NTM: variants seen among roughly 807,000 people sequenced by gnomAD.
The protein encoded by NTM is neurotrimin, also known as IgLON family member 2.
NTM carries 13 observed loss-of-function variants against 42.1 expected under a neutral mutation model. The observed-to-expected ratio is 0.31, with a 90% CI of 0.20 to 0.49. The LOEUF (loss-of-function observed/expected upper bound fraction) is 0.49, where lower values mean the gene tolerates loss of function less well. Among genes scored for constraint, NTM ranks in the 20% least tolerant of loss-of-function variants. The probability of loss-of-function intolerance (pLI) is 0.99; values close to 1 mark genes in which losing one functional copy is unlikely to be tolerated. For missense variants in NTM, 373 were observed against 452.8 expected, an observed-to-expected ratio of 0.82 and a Z score of 1.60; for synonymous variants, 187 against 179.2, an observed-to-expected ratio of 1.04 and a Z score of -0.35.
chr11:132,117,851 C>G (rs772197479), intron 2 of NTM, among the ~76,000 whole-genome samples: 17 of 152,124 alleles, frequency 1.1e-4, no homozygotes, highest in Non-Finnish European at 1.8e-4. Flanking sequence ...TAAAAAGTAC[C>G]CCAGACACCT....
rs576948406 is a variant in NTM at position 132,301,942 on chromosome 11, G to C, written c.527-5747G>C. Among the ~76,000 whole-genome samples, 3 of 152,226 alleles carry C rather than the reference G, an allele frequency of 2.0e-5. No individual in the cohort carries two copies. In the South Asian group the frequency reaches 6.2e-4, roughly 32 times the overall value. On this transcript the variant is annotated intron_variant, in intron 4 of 8. Coordinates refer to ENST00000683400, the MANE Select transcript of NTM (RefSeq NM_001352005.2). ...GTACTCCTGACAAGCTTATTCTTGG[G>C]TATGATAAAAATGATCACTGTGGGT...
chr11:132,146,330 C>G lies in NTM; in HGVS notation c.216C>G (p.Ser72Arg). 6.2e-7 allele frequency: 1 copy of G among 1,614,240 alleles called. No homozygotes were observed. Among genetic ancestry groups the G allele is most frequent in the Non-Finnish European group, 8.5e-7 (1 of 1,180,046 alleles). The change falls in exon 3 of 9, where the codon AGC becomes AGG. Residue 72 changes from serine to arginine, a missense_variant. Physicochemically the swap from Ser to Arg is moderately radical, Grantham distance 110. Coordinates refer to ENST00000683400, the MANE Select transcript of NTM (RefSeq NM_001352005.2). This position sits in a 1 kb window ranked among gnomAD's most constrained non-coding sequence, Gnocchi z 4.5. ...RVTRVAWLNR[S>R]TILYAGNDKW... ...CCCGGGTGGCCTGGCTAAACCGCAG[C>G]ACCATCCTCTATGCTGGGAATGACA...
intron 1 of NTM, among the ~76,000 whole-genome samples, chr11:131,898,840 T>C (rs2052688108): frequency 1.3e-5 from 2 of 152,232 alleles, no homozygotes. Flanking sequence ...TGAAAAATAA[T>C]CTAGTTTCCC....
chr11:131,750,395 C>T (rs2082338170), intron 1 of NTM, among the ~76,000 whole-genome samples: 1 of 152,186 alleles, frequency 6.6e-6, no homozygotes, highest in Non-Finnish European at 1.5e-5. Flanking sequence ...AAGCTCCTCA[C>T]CTCCTTCCCC....
intron 1 of NTM, chr11:131,573,498 C>T (rs989693311): frequency 9.2e-5 from 14 of 152,124 alleles, no homozygotes; most frequent in African/African-American, 2.9e-4. Context: ...TCAGTTTTCT[C>T]CCATTGTTGG....
chr11:131,438,472 G>A (rs1194491906), intron 1 of NTM, among the ~76,000 whole-genome samples: 1 of 152,168 alleles, frequency 6.6e-6, no homozygotes, highest in African/African-American at 2.4e-5. Flanking sequence ...TGGAGACTTT[G>A]TTCGTTTCCT....
At chr11:131,378,785 C>T (rs1193232114) in intron 1 of NTM, among the ~76,000 whole-genome samples, 1 of 152,152 alleles carries the variant, frequency 6.6e-6, no homozygotes, top group Non-Finnish European at 1.5e-5. Context: ...GTGAGAATTA[C>T]ATATTTCTCT....
intron 1 of NTM, among the ~76,000 whole-genome samples, chr11:131,371,997 C>T (rs1378552246): frequency 6.6e-6 from 1 of 152,104 alleles, no homozygotes; most frequent in African/African-American, 2.4e-5. Flanking sequence ...GGAGTCCCAC[C>T]CCCTCGCCCT....
chr11:131,595,499 A>G (rs541390119), intron 1 of NTM, among the ~76,000 whole-genome samples: 1 of 152,310 alleles, frequency 6.6e-6, no homozygotes, highest in East Asian at 1.9e-4. Flanking sequence ...CAGCTGAGAA[A>G]CTATTATTTT....
At chr11:131,950,958 T>G (rs2060916571) in intron 2 of NTM, among the ~76,000 whole-genome samples, 1 of 152,208 alleles carries the variant, frequency 6.6e-6, no homozygotes, top group Non-Finnish European at 1.5e-5. Flanking sequence ...GGAATTATTC[T>G]TGTGTTCTGC....
chr11:132,086,903 C>T (rs1388581919), intron 2 of NTM, among the ~76,000 whole-genome samples: 1 of 152,058 alleles, frequency 6.6e-6, no homozygotes, highest in African/African-American at 2.4e-5. Flanking sequence ...AGGGGAGTGT[C>T]CTATAGTACA....
intron 1 of NTM, among the ~76,000 whole-genome samples, chr11:131,453,019 G>A (rs913181098): frequency 8.5e-5 from 13 of 152,150 alleles, no homozygotes; most frequent in East Asian, 1.9e-4. Flanking sequence ...TCCCAAAACC[G>A]TATTTCCAAT....
intron 1 of NTM, among the ~76,000 whole-genome samples, chr11:131,682,387 G>A (rs1390930337): frequency 1.3e-5 from 2 of 152,154 alleles, no homozygotes; most frequent in African/African-American, 2.4e-5. Flanking sequence ...CAAGGACCCC[G>A]AAGGACCCAT....
intron 1 of NTM, among the ~76,000 whole-genome samples, chr11:131,849,261 A>G (rs977509512): frequency 6.6e-6 from 1 of 152,150 alleles, no homozygotes; most frequent in Non-Finnish European, 1.5e-5. Flanking sequence ...CCATTTTTGC[A>G]TTGCTGTAAA....
At chr11:132,092,233 G>A (rs939119514) in intron 2 of NTM, among the ~76,000 whole-genome samples, 25 of 152,078 alleles carry the variant, frequency 1.6e-4, no homozygotes, top group Non-Finnish European at 1.5e-5. Context: ...ATTCTGTTCT[G>A]TCTCTTCCCT....
At chr11:131,789,684 C>T (rs183949067) in intron 1 of NTM, among the ~76,000 whole-genome samples, 71 of 149,498 alleles carry the variant, frequency 4.7e-4, no homozygotes, top group African/African-American at 1.6e-3. Context: ...GGGCCGGGGG[C>T]GGTGGCTCTC....
chr11:132,160,526 C>T (rs1265781565), intron 3 of NTM, among the ~76,000 whole-genome samples: 1 of 152,220 alleles, frequency 6.6e-6, no homozygotes, highest in East Asian at 1.9e-4. Context: ...ATTCCATGAA[C>T]ATCTACTATG....
At chr11:132,305,036 A>T (rs560352689) in intron 4 of NTM, among the ~76,000 whole-genome samples, 1 of 152,324 alleles carries the variant, frequency 6.6e-6, no homozygotes, top group South Asian at 2.1e-4. Flanking sequence ...ATACAAAACT[A>T]CACATAAATT....
At chr11:132,331,853 G>A (rs560818239) in intron 8 of NTM, among the ~76,000 whole-genome samples, 4 of 152,274 alleles carry the variant, frequency 2.6e-5, no homozygotes, top group South Asian at 2.1e-4. Flanking sequence ...GGGAGAGTGT[G>A]TGAGGGTGGG....
Sources: gnomAD v4.1 joint callset for allele counts (sites outside exome capture counted in the v4.1 genomes callset) on GRCh38, gnomAD v4.1.1 for gene constraint, Gnocchi (gnomAD v3.1) non-coding constraint, MANE v1.5 for transcripts, NCBI Gene and HGNC (gene_info 2026-07-23, HGNC 2026-07-21) for gene names.